RUNX1: variants seen among roughly 807,000 people sequenced by gnomAD.
RUNX1 encodes RUNX family transcription factor 1.
In RUNX1, 19 loss-of-function variants were observed where a neutral mutation model predicts 42.8. The ratio of observed to expected loss-of-function variants is 0.44; its 90% CI spans 0.31 to 0.65. The LOEUF (loss-of-function observed/expected upper bound fraction) is 0.65. Ranked by LOEUF, RUNX1 falls within the 30% of genes least tolerant of loss-of-function variation. The pLI is 0.07. For missense variants in RUNX1, 528 were observed against 672.0 expected, an observed-to-expected ratio of 0.79 and a Z score of 2.37; for synonymous variants, 271 against 289.4, an observed-to-expected ratio of 0.94 and a Z score of 0.64.
chr21:34,821,286 AAAGAAT>A, intron 7 of RUNX1: 1 of 1,091,344 alleles, frequency 9.2e-7, no homozygotes. Context: ...TAATAGTGAA[AAAGAAT>A]AACATTGACC....
At chr21:34,992,087 C>G (rs1286163468) in intron 2 of RUNX1, among the ~76,000 whole-genome samples, 1 of 152,208 alleles carries the variant, frequency 6.6e-6, no homozygotes, top group Non-Finnish European at 1.5e-5. Flanking sequence ...TTTCAGCCAC[C>G]CAGTTTGTAG....
At chr21:34,953,801 T>C (rs1016741683) in intron 2 of RUNX1, among the ~76,000 whole-genome samples, 1 of 152,140 alleles carries the variant, frequency 6.6e-6, no homozygotes, top group Non-Finnish European at 1.5e-5. Flanking sequence ...AATGAAAACA[T>C]AAACTCAGTG....
Position 34,975,433 on chromosome 21 carries a change from T to A in RUNX1, c.58+73409A>T, listed in dbSNP as rs911190577. On this transcript the variant is annotated intron_variant, in intron 2 of 8. Transcript: ENST00000675419. ...AACAACTATTTGCATAGCATTTACA[T>A]TATGTTAGGTATTATAAGTAATCTA... 2.6e-5 allele frequency among the ~76,000 whole-genome samples: 4 copies of A among 152,220 alleles called. No homozygotes were observed. The South Asian group carries it at 8.3e-4, about 31-fold the overall frequency.
At chr21:34,992,939 C>T (rs577466713) in intron 2 of RUNX1, among the ~76,000 whole-genome samples, 1 of 152,184 alleles carries the variant, frequency 6.6e-6, no homozygotes, top group African/African-American at 2.4e-5. Flanking sequence ...CCCGCCCAGG[C>T]CTCAGCAGGG....
intron 4 of RUNX1, among the ~76,000 whole-genome samples, chr21:34,885,578 T>C (rs2057971281): frequency 6.6e-6 from 1 of 152,350 alleles, no homozygotes; most frequent in African/African-American, 2.4e-5. Context: ...CGTTTTGTTT[T>C]AGAAATCACA....
intron 2 of RUNX1, among the ~76,000 whole-genome samples, chr21:34,966,486 G>A (rs1329750471): frequency 2.0e-5 from 3 of 152,160 alleles, no homozygotes; most frequent in African/African-American, 7.2e-5. Context: ...AGAAGAAGAT[G>A]CTTTGGTTTA....
intron 2 of RUNX1, 53 bp from the exon 3 acceptor site, chr21:34,893,016 T>C: frequency 7.9e-7 from 1 of 1,259,270 alleles, no homozygotes; most frequent in Middle Eastern, 1.9e-4. Context: ...AAAAATTAAC[T>C]TTCCCCCGAC....
rs562559154 is a variant in RUNX1 at position 34,798,567 on chromosome 21, G to T, written c.967+734C>A. Among the ~76,000 whole-genome samples the T allele has an allele frequency of 2.9e-4, 44 of 152,016 alleles. 1 individual carries two copies. Among genetic ancestry groups the T allele is most frequent in the Admixed American group, 7.9e-4 (12 of 15,284 alleles). ...TACAGTCGGTTCTCTATATCCGTGG[G>T]TTCTGCACCTGTTTAACCAACTGTA... On this transcript the variant is annotated intron_variant, in intron 8 of 8. Coordinates refer to ENST00000675419, the MANE Select transcript of RUNX1 (RefSeq NM_001754.5).
At chr21:35,000,058 T>C (rs979320248) in intron 2 of RUNX1, among the ~76,000 whole-genome samples, 3 of 152,126 alleles carry the variant, frequency 2.0e-5, no homozygotes, top group African/African-American at 7.2e-5. Flanking sequence ...CAAAAGCAAA[T>C]GATGTCCAAA....
chr21:34,985,796 C>T (rs368679901), intron 2 of RUNX1, among the ~76,000 whole-genome samples: 2 of 151,040 alleles, frequency 1.3e-5, no homozygotes, highest in East Asian at 1.9e-4. Flanking sequence ...CCTTCTCCAA[C>T]GATGTGGTAT....
chr21:34,906,435 A>G (rs1346701595), intron 2 of RUNX1, among the ~76,000 whole-genome samples: 1 of 152,188 alleles, frequency 6.6e-6, no homozygotes, highest in Non-Finnish European at 1.5e-5. Flanking sequence ...GGTCCTTAAC[A>G]TTTACTGAGC....
chr21:34,920,535 T>C (rs1034368602), intron 2 of RUNX1, among the ~76,000 whole-genome samples: 3 of 152,234 alleles, frequency 2.0e-5, no homozygotes, highest in African/African-American at 4.8e-5. Context: ...ATATTTTACA[T>C]ACCTGGGAAC....
chr21:34,800,730 C>T (rs1180869047), intron 7 of RUNX1, among the ~76,000 whole-genome samples: 1 of 152,146 alleles, frequency 6.6e-6, no homozygotes, highest in African/African-American at 2.4e-5. Flanking sequence ...CCCAAGTCTT[C>T]CTCCCCAGTA....
chr21:34,909,588 C>CAAAA (rs10584066), intron 2 of RUNX1, among the ~76,000 whole-genome samples: 1 of 75,024 alleles, frequency 1.3e-5, no homozygotes, highest in Non-Finnish European at 2.5e-5. Context: ...CACTGTTCCT[C>CAAAA]AAAAAAAAAA....
chr21:34,995,132 G>A (rs745914203), intron 2 of RUNX1, among the ~76,000 whole-genome samples: 10 of 152,208 alleles, frequency 6.6e-5, no homozygotes, highest in Non-Finnish European at 1.2e-4. Context: ...CTGAGGGGTG[G>A]GGACCGGCTC....
chr21:34,861,313 G>T (rs1053635311), intron 5 of RUNX1, among the ~76,000 whole-genome samples: 3 of 152,198 alleles, frequency 2.0e-5, no homozygotes, highest in African/African-American at 7.2e-5. Context: ...TGTGGAGGAA[G>T]ATGCTGCCGC....
chr21:34,859,434 C>T (rs2146233482), intron 6 of RUNX1, 40 bp downstream of exon 6: 1 of 1,392,574 alleles, frequency 7.2e-7, no homozygotes, highest in South Asian at 1.2e-5. Flanking sequence ...GAGGGTGTAC[C>T]AGCCTGGAGG....
chr21:34,829,649 G>A (rs1209398161), intron 7 of RUNX1, among the ~76,000 whole-genome samples: 1 of 152,146 alleles, frequency 6.6e-6, no homozygotes, highest in Non-Finnish European at 1.5e-5. Context: ...TTCTGAATAT[G>A]TTACTTTGTG....
chr21:34,992,939 C>A (rs577466713), intron 2 of RUNX1, among the ~76,000 whole-genome samples: 17 of 152,184 alleles, frequency 1.1e-4, no homozygotes, highest in Non-Finnish European at 2.1e-4. Context: ...CCCGCCCAGG[C>A]CTCAGCAGGG....
Sources: allele counts gnomAD v4.1 joint callset (sites outside exome capture counted in the v4.1 genomes callset), GRCh38; gene constraint gnomAD v4.1.1; transcripts MANE v1.5; gene names NCBI Gene and HGNC (gene_info 2026-07-23, HGNC 2026-07-21).